ERO1B: variants seen among roughly 807,000 people sequenced by gnomAD.
The protein encoded by ERO1B is ERO1-like protein beta.
Under a neutral mutation model 75.3 loss-of-function variants are expected in ERO1B, and 49 were observed. The ratio of observed to expected loss-of-function variants is 0.65; its 90% CI spans 0.52 to 0.83. The LOEUF (loss-of-function observed/expected upper bound fraction) is 0.83. ERO1B is among the 40% of genes least tolerant of loss of function. ERO1B has a pLI of 0.00. For synonymous variants in ERO1B, 191 were observed against 192.9 expected (o/e 0.99, Z 0.08); for missense variants, 512 against 560.1 (o/e 0.91, Z 0.87).
intron 6 of ERO1B, among the ~76,000 whole-genome samples, chr1:236,236,819 T>C (rs2102946287): frequency 6.6e-6 from 1 of 152,364 alleles, no homozygotes; most frequent in East Asian, 1.9e-4. Context: ...TTTTGTAACA[T>C]ATATTGTATT....
At chr1:236,278,294 C>T (rs1431988221) in intron 1 of ERO1B, among the ~76,000 whole-genome samples, 1 of 152,072 alleles carries the variant, frequency 6.6e-6, no homozygotes, top group Non-Finnish European at 1.5e-5. Context: ...CTTCTCCCAG[C>T]AAGTTTCTTT....
At chr1:236,230,114 C>A (rs376880875) in intron 10 of ERO1B, 110 bp downstream of exon 10, 1 of 796,358 alleles carries the variant, frequency 1.3e-6, no homozygotes, top group Non-Finnish European at 2.0e-6. Flanking sequence ...TTTTTTCAAA[C>A]TGTCAAAATT....
In ERO1B at chr1:236,281,697, G is replaced by T. The variant is rs777082956; in HGVS notation, c.87C>A (p.Ser29Arg). ...QLLVTLSFLR[S>R]VVEAQVTGVL... is the part of the protein sequence containing the mutation. ...TCGGGCTTACCTGCGCCTCGACGAC[G>T]CTCCGCAGGAAGCTCAGGGTGACCA... Residue 29 changes from serine to arginine, a missense_variant, in exon 1 of 16, where the codon AGC becomes AGA. Transcript: ENST00000354619. 1 of 1,487,120 alleles carries T rather than the reference G, an allele frequency of 6.7e-7. No homozygotes were observed. The highest frequency in any genetic ancestry group is 1.3e-5 in the South Asian group (1 of 79,136). 92.1% of individuals were successfully genotyped at this position (1,487,120 alleles called of 1,614,324 possible). A position where few individuals can be genotyped will look rare whatever the true frequency, so the allele number is the denominator to read the frequency against.
chr1:236,239,400 G>A (rs985562532), intron 6 of ERO1B, among the ~76,000 whole-genome samples: 2 of 152,048 alleles, frequency 1.3e-5, no homozygotes, highest in African/African-American at 2.4e-5. Flanking sequence ...AGTCTATAAA[G>A]CCTAAAATAG....
At chr1:236,232,694 C>G in intron 9 of ERO1B, 134 bp downstream of exon 9, 1 of 486,344 alleles carries the variant, frequency 2.1e-6, no homozygotes, top group South Asian at 5.9e-5. Context: ...TTTTTTTGGT[C>G]ACCATTCATT....
chr1:236,277,295 T>C (rs1197506631), intron 1 of ERO1B, among the ~76,000 whole-genome samples: 1 of 151,916 alleles, frequency 6.6e-6, no homozygotes, highest in African/African-American at 2.4e-5. Context: ...TCCCAGCTAC[T>C]TGGGAGGCTG....
intron 2 of ERO1B, among the ~76,000 whole-genome samples, chr1:236,266,993 T>G (rs1043151553): frequency 5.3e-5 from 8 of 152,226 alleles, no homozygotes. Context: ...GTTCCATTAT[T>G]CCTTCTTTTG....
intron 1 of ERO1B, 92 bp downstream of exon 1, chr1:236,281,590 G>C (rs1446930942): frequency 1.0e-6 from 1 of 990,822 alleles, no homozygotes; most frequent in Non-Finnish European, 1.3e-6. Context: ...GCCCGGCCCT[G>C]CCCGGCCCTC....
At chr1:236,233,408 C>T (rs1664464255) in intron 8 of ERO1B, among the ~76,000 whole-genome samples, 1 of 151,186 alleles carries the variant, frequency 6.6e-6, no homozygotes, top group African/African-American at 2.4e-5. Flanking sequence ...ATCAGCCTGG[C>T]CAAGATAGTG....
chr1:236,243,093 G>C (rs1241555976), intron 6 of ERO1B, among the ~76,000 whole-genome samples: 1 of 152,188 alleles, frequency 6.6e-6, no homozygotes, highest in Non-Finnish European at 1.5e-5. Flanking sequence ...TACAGGTTTT[G>C]GATTCGGATA....
chr1:236,220,745 A>AC, intron 15 of ERO1B, 87 bp downstream of exon 15: 2 of 1,376,150 alleles, frequency 1.5e-6, no homozygotes, highest in Non-Finnish European at 1.9e-6. Flanking sequence ...AACAAAACAA[A>AC]CCCTACTTTT....
chr1:236,243,425 CA>C lies in ERO1B; in HGVS notation c.501del (p.Asp168MetfsTer11), dbSNP rs746792413. 3.1e-6 allele frequency: 5 copies of C among 1,589,138 alleles called. No homozygotes were observed. Among genetic ancestry groups the C allele is most frequent in the Non-Finnish European group, 4.3e-6 (5 of 1,164,130 alleles). On this transcript the variant is annotated frameshift_variant, in exon 6 of 16. Transcript: ENST00000354619. LOFTEE classifies it high-confidence loss of function. Reference protein sequence around the residue: ...YDDSRDHFCELDDERSPAAQY... With the variant: ...YDDSRDHFCEXDDERSPAAQY... ...TTATAATAGTTTATTGTATTACCAT[CA>C]AGTTCACAAAAGTGATCCCGTGAAT...
chr1:236,234,370 C>T (rs1425442440), intron 8 of ERO1B, among the ~76,000 whole-genome samples: 11 of 152,156 alleles, frequency 7.2e-5, no homozygotes, highest in African/African-American at 2.7e-4. Context: ...GTATTTTCTG[C>T]TTTAAAAGTA....
intron 2 of ERO1B, among the ~76,000 whole-genome samples, chr1:236,263,777 GCTT>G (rs1665347066): frequency 2.4e-5 from 2 of 82,536 alleles, no homozygotes; most frequent in African/African-American, 9.8e-5. Flanking sequence ...TATTTTGTTT[GCTT>G]TTTTTTTTTT....
intron 1 of ERO1B, among the ~76,000 whole-genome samples, chr1:236,270,595 G>T (rs1665568335): frequency 6.6e-6 from 1 of 152,100 alleles, no homozygotes; most frequent in South Asian, 2.1e-4. Context: ...AAGATTATTT[G>T]CTAATCCAAG....
rs1158964688 is a variant in ERO1B, at chr1:236,236,366, G to C, written c.538C>G (p.Leu180Val). The C allele has an allele frequency of 6.2e-7, 1 of 1,613,578 alleles. No individual in the cohort carries two copies. The highest frequency in any genetic ancestry group is 1.7e-5 in the Admixed American group (1 of 59,970). The change falls in exon 7 of 16, where the codon CTA (leucine) becomes GTA (valine). Residue 180 changes from leucine to valine, a missense_variant. Leu to Val is a conservative substitution (Grantham distance 32). Coordinates refer to ENST00000354619, the MANE Select transcript of ERO1B (RefSeq NM_019891.4). ...GTGTAACGCTCTGGGTTCAGCAATA[G>C]GTCTACATACTGAGCAGCTGGAGAT... The part of the protein sequence containing the change: ...ERSPAAQYVD[L>V]LLNPERYTGY...
rs1269025 is a variant in ERO1B, at chr1:236,281,673, C to G, written c.102+9G>C. ...CGGGGGTTCCCGGCCCGCTATCACT[C>G]GGGCTTACCTGCGCCTCGACGACGC... On this transcript the variant is annotated intron_variant, in intron 1 of 15. Transcript: ENST00000354619. 1.4e-6 allele frequency: 2 copies of G among 1,438,164 alleles called. No homozygotes were observed. The highest frequency in any genetic ancestry group is 1.8e-6 in the Non-Finnish European group (2 of 1,089,570). The allele number at this position is 1,438,164 out of a possible 1,614,324, so 89.1% of individuals were successfully genotyped here.
At chr1:236,256,544 C>G (rs12047892) in intron 2 of ERO1B, among the ~76,000 whole-genome samples, 10,449 of 152,194 alleles carry the variant, frequency 0.069, 745 homozygotes, top group East Asian at 0.39. Context: ...GGGGGACCTC[C>G]CCATTCCTGA....
intron 12 of ERO1B, 71 bp from the exon 13 acceptor site, chr1:236,225,210 A>C: frequency 7.2e-7 from 1 of 1,396,606 alleles, no homozygotes; most frequent in Non-Finnish European, 1.0e-6. Flanking sequence ...AAACCTGATA[A>C]AATTTTCTAT....
Sources: gnomAD v4.1 joint callset for allele counts (sites outside exome capture counted in the v4.1 genomes callset) on GRCh38, gnomAD v4.1.1 for gene constraint, MANE v1.5 for transcripts, NCBI Gene and HGNC (gene_info 2026-07-23, HGNC 2026-07-21) for gene names.